Variants in TSHZ3 observed in about 807,000 individuals in gnomAD.
The protein encoded by TSHZ3 is teashirt zinc finger homeobox 3.
In TSHZ3, 10 loss-of-function variants were observed where a neutral mutation model predicts 64.5. That is an observed-to-expected ratio of 0.16 (90% confidence interval 0.10 to 0.26). The LOEUF (loss-of-function observed/expected upper bound fraction) is 0.26. Among genes scored for constraint, TSHZ3 ranks in the 10% least tolerant of loss-of-function variants. The probability of loss-of-function intolerance (pLI) is 1.00; values close to 1 mark genes in which losing one functional copy is unlikely to be tolerated. For missense variants in TSHZ3, 1,242 were observed against 1,421.7 expected (o/e 0.87, Z 2.03); for synonymous variants, 608 against 593.1 (o/e 1.03, Z -0.36).
chr19:31,285,108 G>A (rs1976432788), intron 1 of TSHZ3, among the ~76,000 whole-genome samples: 1 of 152,170 alleles, frequency 6.6e-6, no homozygotes, highest in Admixed American at 6.5e-5. Context: ...CAAGGAAGAT[G>A]GGAGGAGACA....
rs1975634051 is a variant in TSHZ3, at chr19:31,237,498, T to TCA, written n.550+4769_550+4770dup. The stretch of plus-strand genomic sequence containing the variant: ...CTGTTTATTTGTTTTCTTTATTTTT[T>TCA]CATTAATTTGTCTTCCTAGAGATTT... On this transcript the variant is annotated intron_variant and non_coding_transcript_variant, in intron 3 of 6. Transcript: ENST00000651361. 2.6e-5 allele frequency among the ~76,000 whole-genome samples: 4 copies of TCA among 152,182 alleles called. No individual in the cohort carries two copies. The South Asian group carries it at 8.3e-4, about 32-fold the overall frequency.
intron 3 of TSHZ3, among the ~76,000 whole-genome samples, chr19:31,235,324 G>A (rs1975591669): frequency 6.6e-6 from 1 of 152,094 alleles, no homozygotes; most frequent in Non-Finnish European, 1.5e-5. Context: ...AGCCTTTGTG[G>A]GCTGTGACCA....
At chr19:31,169,339 A>C (rs1187242396) in intron 5 of TSHZ3, among the ~76,000 whole-genome samples, 1 of 152,350 alleles carries the variant, frequency 6.6e-6, no homozygotes, top group East Asian at 1.9e-4. Flanking sequence ...TAGCAGCATT[A>C]TTCACAATAA....
chr19:31,258,333 G>C (rs1347925928), intron 1 of TSHZ3, among the ~76,000 whole-genome samples: 1 of 152,178 alleles, frequency 6.6e-6, no homozygotes, highest in Non-Finnish European at 1.5e-5. Context: ...GTTCTGTCCA[G>C]TAAAGCCCTT....
chr19:31,259,350 C>T (rs1398399228), intron 1 of TSHZ3, among the ~76,000 whole-genome samples: 3 of 152,116 alleles, frequency 2.0e-5, no homozygotes, highest in Non-Finnish European at 4.4e-5. Context: ...GGTCATTGTA[C>T]TCTTTTTCAA....
At position 31,349,171 on chromosome 19, in the gene TSHZ3, G is replaced by A. The variant is rs1297132253; in HGVS notation, c.40+9C>T. On this transcript the variant is annotated intron_variant, in intron 1 of 1. Transcript: ENST00000240587. ...GAGGAGAGCAGAAGGAAGGGGAAGC[G>A]GCTCGTACCTGCTGCGCGCCGGGGC... 3.9e-6 allele frequency: 6 copies of A among 1,541,420 alleles called. No individual in the cohort carries two copies. The highest frequency in any genetic ancestry group is 5.2e-6 in the Non-Finnish European group (6 of 1,144,156).
downstream of TSHZ3, among the ~76,000 whole-genome samples, chr19:31,273,244 C>T (rs1247168833): frequency 2.6e-5 from 4 of 152,128 alleles, no homozygotes; most frequent in Admixed American, 2.0e-4. Flanking sequence ...GTGCCTGGAG[C>T]CCTACTGCCC....
At chr19:31,153,234 T>C (rs1180457876) in intron 6 of TSHZ3, among the ~76,000 whole-genome samples, 1 of 152,208 alleles carries the variant, frequency 6.6e-6, no homozygotes, top group East Asian at 1.9e-4. Flanking sequence ...TGATTACTGT[T>C]CGTCAAAAAG....
At position 31,329,903 on chromosome 19, in the gene TSHZ3, G is replaced by GT. The variant is rs199731389; in HGVS notation, c.40+19276dup. 3.9e-5 allele frequency among the ~76,000 whole-genome samples: 6 copies of GT among 152,020 alleles called. No homozygotes were observed. The East Asian group carries it at 9.7e-4, about 25-fold the overall frequency. The stretch of plus-strand genomic sequence containing the variant: ...GGATCACATGCCAAAATTGTTGTGT[G>GT]TTTTTTTTCCACACCAAGTATGAAC... On this transcript the variant is annotated intron_variant, in intron 1 of 1. Transcript: ENST00000240587.
At chr19:31,336,525 C>T (rs958969807) in intron 1 of TSHZ3, among the ~76,000 whole-genome samples, 3 of 152,188 alleles carry the variant, frequency 2.0e-5, no homozygotes, top group Non-Finnish European at 2.9e-5. Context: ...CGGTGGACCT[C>T]ATGGAATGTC....
intron 1 of TSHZ3, among the ~76,000 whole-genome samples, chr19:31,297,196 G>C (rs1976677983): frequency 6.6e-6 from 1 of 152,138 alleles, no homozygotes; most frequent in Admixed American, 6.5e-5. Flanking sequence ...CTCCTCCACT[G>C]GGCACAGTTC....
At chr19:31,349,505 T>TGGA (rs956503059), upstream of TSHZ3, 56 of 307,226 alleles carry the variant, frequency 1.8e-4, no homozygotes, top group Admixed American at 6.7e-4. Flanking sequence ...GAGGAGGAGG[T>TGGA]GGAGGAGGAG....
At chr19:31,232,309 C>A (rs748000269) in intron 3 of TSHZ3, among the ~76,000 whole-genome samples, 4 of 152,026 alleles carry the variant, frequency 2.6e-5, no homozygotes, top group African/African-American at 9.7e-5. Context: ...AATAAATGAA[C>A]GCTTTTTAAA....
intron 5 of TSHZ3, among the ~76,000 whole-genome samples, chr19:31,188,463 C>T (rs1974847546): frequency 6.6e-6 from 1 of 152,060 alleles, no homozygotes; most frequent in East Asian, 1.9e-4. Flanking sequence ...ATTAGGGGAA[C>T]TCTATCAGAT....
intron 5 of TSHZ3, among the ~76,000 whole-genome samples, chr19:31,197,911 A>C (rs1251520841): frequency 6.6e-6 from 1 of 152,088 alleles, no homozygotes; most frequent in African/African-American, 2.4e-5. Context: ...CTGTTTCAAA[A>C]GTAGAAGCCC....
At chr19:31,237,584 G>A (rs995585378) in intron 3 of TSHZ3, among the ~76,000 whole-genome samples, 3 of 151,742 alleles carry the variant, frequency 2.0e-5, no homozygotes, top group African/African-American at 4.8e-5. Context: ...TTTTCCCCAT[G>A]TGAATGTTTA....
intron 1 of TSHZ3, among the ~76,000 whole-genome samples, chr19:31,280,609 C>T (rs1976343880): frequency 6.6e-6 from 1 of 152,222 alleles, no homozygotes; most frequent in South Asian, 2.1e-4. Context: ...ACAAGACCTT[C>T]CAGTGGACCT....
At chr19:31,182,230 A>T (rs934993857) in intron 5 of TSHZ3, among the ~76,000 whole-genome samples, 1 of 152,312 alleles carries the variant, frequency 6.6e-6, no homozygotes, top group African/African-American at 2.4e-5. Flanking sequence ...AGCTGGGGAA[A>T]CATCTTCCCA....
chr19:31,304,785 T>A (rs1465786689), intron 1 of TSHZ3, among the ~76,000 whole-genome samples: 1 of 152,330 alleles, frequency 6.6e-6, no homozygotes, highest in East Asian at 1.9e-4. Flanking sequence ...TACCAGTTAA[T>A]TATGATGGGA....
Sources: allele counts gnomAD v4.1 joint callset (sites outside exome capture counted in the v4.1 genomes callset), GRCh38; gene constraint gnomAD v4.1.1; transcripts MANE v1.5; gene names NCBI Gene and HGNC (gene_info 2026-07-23, HGNC 2026-07-21).